Variants in CLPS observed in about 807,000 individuals in gnomAD.
The protein encoded by CLPS is colipase, pancreatic.
In CLPS, 8 loss-of-function variants were observed where a neutral mutation model predicts 9.3. The observed-to-expected ratio is 0.86, with a 90% CI of 0.51 to 1.56. The LOEUF (loss-of-function observed/expected upper bound fraction) is 1.56. Ranked by LOEUF, CLPS falls within the 40% of genes most tolerant of loss-of-function variation. CLPS has a pLI of 0.00. For missense variants in CLPS, 144 were observed against 145.7 expected (o/e 0.99, Z 0.06); for synonymous variants, 61 against 56.2 (o/e 1.09, Z -0.39).
chr6:35,797,168 G>A (rs1219210966), intron 1 of CLPS, 37 bp downstream of exon 1: 9 of 1,567,932 alleles, frequency 5.7e-6, no homozygotes, highest in Non-Finnish European at 7.9e-6. Context: ...TCTTCATCTG[G>A]GGACTCAGGA....
rs1412349483 is a variant in CLPS, at chr6:35,794,990, G to A, written c.*156C>T. On this transcript the variant is annotated 3_prime_UTR_variant, in exon 3 of 3. Coordinates refer to ENST00000259938, the MANE Select transcript of CLPS (RefSeq NM_001832.4). ...ATATGCAGGAGACTGGGAAAGGTTT[G>A]CAGGAGGCCTTTAATTGTGAAGAGC... The A allele has an allele frequency of 1.8e-5, 19 of 1,063,126 alleles. No individual in the cohort carries two copies. The highest frequency in any genetic ancestry group is 2.4e-5 in the Non-Finnish European group (18 of 752,262). The allele number at this position is 1,063,126 out of a possible 1,614,324, so 65.9% of individuals were successfully genotyped here. A position where few individuals can be genotyped will look rare whatever the true frequency, so the allele number is the denominator to read the frequency against.
intron 1 of CLPS, 151 bp downstream of exon 1, chr6:35,797,054 T>C (rs962308950): frequency 2.8e-6 from 2 of 713,312 alleles, no homozygotes; most frequent in South Asian, 3.6e-5. Context: ...GGAAGAGGCA[T>C]AGGACAGGAC....
chr6:35,795,685 C>G, intron 2 of CLPS, 46 bp downstream of exon 2: 1 of 1,604,560 alleles, frequency 6.2e-7, no homozygotes, highest in Non-Finnish European at 8.5e-7. Context: ...GTTCAGGGCC[C>G]TACTCCCCAT....
At chr6:35,796,387 A>G (rs1768369270) in intron 1 of CLPS, among the ~76,000 whole-genome samples, 1 of 152,264 alleles carries the variant, frequency 6.6e-6, no homozygotes, top group African/African-American at 2.4e-5. Context: ...CCCAGCCAAG[A>G]CCCATGGTGG....
rs373554534 is a variant in CLPS, at chr6:35,795,558, G to A, written c.207+173C>T. Reference sequence around the variant, plus strand: ...CCCCCACCCATCTCACTGGTCACTCGGGAGGGTCAAGAGAGATGATGGGAT... The same window carrying A: ...CCCCCACCCATCTCACTGGTCACTCAGGAGGGTCAAGAGAGATGATGGGAT... On this transcript the variant is annotated intron_variant, in intron 2 of 2. Transcript: ENST00000259938. Among the ~76,000 whole-genome samples, 37 of 150,856 alleles carry A rather than the reference G, an allele frequency of 2.5e-4. No homozygotes were observed. The East Asian group carries it at 4.3e-3, about 18-fold the overall frequency.
intron 1 of CLPS, among the ~76,000 whole-genome samples, chr6:35,796,467 G>C (rs1453894099): frequency 6.6e-6 from 1 of 152,290 alleles, no homozygotes; most frequent in African/African-American, 2.4e-5. Context: ...CAGGCAGGTT[G>C]CTCACCCTCT....
At chr6:35,796,015 C>A (rs117023414) in intron 1 of CLPS, among the ~76,000 whole-genome samples, 162 bp from the exon 2 acceptor site, 7 of 152,276 alleles carry the variant, frequency 4.6e-5, no homozygotes, top group African/African-American at 1.2e-4. Flanking sequence ...CCCCCACCCA[C>A]GTGAGAAGTG....
Position 35,795,710 on chromosome 6 carries a change from G to A in CLPS, c.207+21C>T, listed in dbSNP as rs374732923. 2.5e-5 allele frequency: 41 copies of A among 1,608,998 alleles called. No individual in the cohort carries two copies. The highest frequency in any genetic ancestry group is 1.7e-4 in the Middle Eastern group (1 of 6,052). ...CTACTCCCCATTCTCCCCCACCCAC[G>A]CCAAGTCCTCAGGCACCCACCTTGA... On this transcript the variant is annotated intron_variant, in intron 2 of 2. Transcript: ENST00000259938.
intron 1 of CLPS, 119 bp downstream of exon 1, chr6:35,797,086 C>A (rs1768386402): frequency 1.3e-5 from 12 of 912,348 alleles, no homozygotes; most frequent in Non-Finnish European, 1.7e-5. Context: ...CAGAGGGATG[C>A]AAGATGCCAC....
chr6:35,797,098 C>T lies in CLPS; in HGVS notation c.84+107G>A, dbSNP rs1768386711. 26 of 1,043,150 alleles carry T rather than the reference C, an allele frequency of 2.5e-5. No homozygotes were observed. In the East Asian group the frequency reaches 6.3e-4, roughly 25 times the overall value. The allele number at this position is 1,043,150 out of a possible 1,614,324, so 64.6% of individuals were successfully genotyped here. ...AAACAGAGGGATGCAAGATGCCACT[C>T]CTCCCAGCCCCTGCCAGTCCAGGTG... On this transcript the variant is annotated intron_variant, in intron 1 of 2. Transcript: ENST00000259938.
rs936891271 is a variant in CLPS at position 35,795,996 on chromosome 6, C to T, written c.85-143G>A. The T allele has an allele frequency of 5.6e-5, 76 of 1,347,876 alleles. No homozygotes were observed. In the South Asian group the frequency reaches 9.8e-4, roughly 17 times the overall value. 83.5% of individuals were successfully genotyped at this position (1,347,876 alleles called of 1,614,324 possible). A position where few individuals can be genotyped will look rare whatever the true frequency, so the allele number is the denominator to read the frequency against. On this transcript the variant is annotated intron_variant, in intron 1 of 2. Coordinates refer to ENST00000259938, the MANE Select transcript of CLPS (RefSeq NM_001832.4). ...GGAGTCCATCCCCTGGGTCTGGTGG[C>T]CTCTGTGCCCCCCACCCACGTGAGA...
chr6:35,795,417 G>A (rs1181912512), intron 2 of CLPS, 140 bp from the exon 3 acceptor site: 49 of 1,309,884 alleles, frequency 3.7e-5, no homozygotes, highest in Non-Finnish European at 4.7e-5. Flanking sequence ...CAGGGGTGCC[G>A]TGGGCCCTGG....
intron 1 of CLPS, 36 bp downstream of exon 1, chr6:35,797,169 G>A: frequency 1.3e-6 from 2 of 1,569,758 alleles, no homozygotes; most frequent in Non-Finnish European, 1.8e-6. Context: ...CTTCATCTGG[G>A]GACTCAGGAG....
intron 1 of CLPS, 33 bp from the exon 2 acceptor site, chr6:35,795,886 C>A: frequency 1.9e-6 from 3 of 1,609,912 alleles, no homozygotes; most frequent in Non-Finnish European, 2.5e-6. Flanking sequence ...CCAGGCCCCA[C>A]TCCCTCAGGT....
At chr6:35,797,066 T>G in intron 1 of CLPS, 139 bp downstream of exon 1, 1 of 769,928 alleles carries the variant, frequency 1.3e-6, no homozygotes, top group Non-Finnish European at 2.1e-6. Context: ...GGACAGGACA[T>G]GGAAGTAAAC....
Position 35,795,001 on chromosome 6 carries a change from T to C in CLPS, c.*145A>G. 8.4e-7 allele frequency: 1 copy of C among 1,192,512 alleles called. No individual in the cohort carries two copies. The highest frequency in any genetic ancestry group is 1.2e-6 in the Non-Finnish European group (1 of 862,678). 73.9% of individuals were successfully genotyped at this position (1,192,512 alleles called of 1,614,324 possible). ...ACTGGGAAAGGTTTGCAGGAGGCCT[T>C]TAATTGTGAAGAGCGCAATCAGAAA... On this transcript the variant is annotated 3_prime_UTR_variant, in exon 3 of 3. Coordinates refer to ENST00000259938, the MANE Select transcript of CLPS (RefSeq NM_001832.4).
At position 35,797,225 on chromosome 6, in the gene CLPS, G is replaced by A. The variant is rs372093288; in HGVS notation, c.64C>T (p.Arg22Trp). Reference protein sequence around the residue: ...LSVAYAAPGPRGIIINLENGE... With the variant: ...LSVAYAAPGPWGIIINLENGE... ...CTTACCAGGTTGATAATGATCCCCCGGGGGCCAGGAGCTGCATAGGCCACA... is the reference window on the plus strand; with the variant it reads ...CTTACCAGGTTGATAATGATCCCCCAGGGGCCAGGAGCTGCATAGGCCACA... The change falls in exon 1 of 3, where the codon CGG becomes TGG. Residue 22 changes from arginine (R) to tryptophan (W), a missense_variant. Arg to Trp is a moderately radical substitution (Grantham distance 101). Coordinates refer to ENST00000259938, the MANE Select transcript of CLPS (RefSeq NM_001832.4). 9.9e-6 allele frequency: 16 copies of A among 1,613,674 alleles called. No individual in the cohort carries two copies. The highest frequency in any genetic ancestry group is 4.0e-5 in the African/African-American group (3 of 74,946).
rs1421792619 is a variant in CLPS, at chr6:35,797,186, C to T, written c.84+19G>A. Reference sequence around the variant, plus strand: ...TCATCTGGGGACTCAGGAGGCGCCTCCCCTGAAGACCCTCTTACCAGGTTG... The same window carrying T: ...TCATCTGGGGACTCAGGAGGCGCCTTCCCTGAAGACCCTCTTACCAGGTTG... On this transcript the variant is annotated intron_variant, in intron 1 of 2. Coordinates refer to ENST00000259938, the MANE Select transcript of CLPS (RefSeq NM_001832.4). 1.2e-6 allele frequency: 2 copies of T among 1,607,824 alleles called. No homozygotes were observed. Among genetic ancestry groups the T allele is most frequent in the East Asian group, 2.2e-5 (1 of 44,828 alleles).
rs762563597 is a variant in CLPS at position 35,797,295 on chromosome 6, T to C, written c.-7A>G. ...GGATCAGGATCTTCTCCATGGTGAG[T>C]GGGACAGCTGGTGTGGGTGGCGGGA... On this transcript the variant is annotated 5_prime_UTR_variant, in exon 1 of 3. Coordinates refer to ENST00000259938, the MANE Select transcript of CLPS (RefSeq NM_001832.4). The C allele has an allele frequency of 9.9e-6, 16 of 1,613,004 alleles. No individual in the cohort carries two copies. The highest frequency in any genetic ancestry group is 8.8e-5 in the South Asian group (8 of 91,032).
Sources: allele counts gnomAD v4.1 joint callset (sites outside exome capture counted in the v4.1 genomes callset), GRCh38; gene constraint gnomAD v4.1.1; transcripts MANE v1.5; gene names NCBI Gene and HGNC (gene_info 2026-07-23, HGNC 2026-07-21).